Variants in FCRL5 observed in about 807,000 individuals in gnomAD.
The protein encoded by FCRL5 is Fc receptor like 5, also known as Fc receptor-like protein 5.
FCRL5 carries 79 observed loss-of-function variants against 92.1 expected under a neutral mutation model. That is an observed-to-expected ratio of 0.86 (90% CI 0.72 to 1.03). The LOEUF is 1.03. Ranked by LOEUF, FCRL5 falls within the 50% of genes least tolerant of loss-of-function variation. FCRL5 has a pLI of 0.00. For missense variants in FCRL5, 1,160 were observed against 1,181.1 expected (o/e 0.98, Z 0.26); for synonymous variants, 466 against 469.3 (o/e 0.99, Z 0.09).
In FCRL5 at chr1:157,529,743, C is replaced by T. The variant is rs147260014; in HGVS notation, c.1682-1848G>A. ...GAAAACCAAACATTGTATGTTCTCA[C>T]TTATCAGTGGGAGCTAAGCTATGAG... On this transcript the variant is annotated intron_variant, in intron 8 of 16. Coordinates refer to ENST00000361835, the MANE Select transcript of FCRL5 (RefSeq NM_031281.3). 1.2e-3 allele frequency among the ~76,000 whole-genome samples: 184 copies of T among 152,302 alleles called. 1 individual carries two copies. Among genetic ancestry groups the T allele is most frequent in the African/African-American group, 4.2e-3 (176 of 41,546 alleles).
chr1:157,551,555 G>C (rs1410619127), intron 1 of FCRL5, among the ~76,000 whole-genome samples: 2 of 152,186 alleles, frequency 1.3e-5, no homozygotes, highest in East Asian at 1.9e-4. Context: ...AAAGTACATT[G>C]GCCTTGCTGG....
chr1:157,524,381 A>C lies in FCRL5; in HGVS notation c.2137T>G (p.Phe713Val), dbSNP rs746749785. Residue 713 changes from phenylalanine to valine, a missense_variant, in exon 10 of 17, where the codon TTC becomes GTC. Physicochemically the swap from Phe to Val is conservative, Grantham distance 50. Coordinates refer to ENST00000361835, the MANE Select transcript of FCRL5 (RefSeq NM_031281.3). The part of the protein sequence containing the change: ...ISAPSGGGAS[F>V]NLSLTTEHSG... Reference sequence around the variant, plus strand: ...TGTTCTGTAGTCAGAGAGAGGTTGAAGGAGGCCCCTCCTCCAGAGGGGGCT... The same window carrying C: ...TGTTCTGTAGTCAGAGAGAGGTTGACGGAGGCCCCTCCTCCAGAGGGGGCT... The C allele has an allele frequency of 1.6e-5, 26 of 1,614,114 alleles. No homozygotes were observed. The East Asian group carries it at 5.6e-4, about 35-fold the overall frequency.
At chr1:157,532,805 T>G (rs183367340) in intron 8 of FCRL5, 10 of 152,318 alleles carry the variant, frequency 6.6e-5, no homozygotes, top group Admixed American at 2.0e-4. Context: ...GAGTCTAATA[T>G]GCAGCCAGGG....
At chr1:157,546,547 C>T (rs967731340) in intron 3 of FCRL5, among the ~76,000 whole-genome samples, 4 of 151,482 alleles carry the variant, frequency 2.6e-5, no homozygotes, top group African/African-American at 9.7e-5. Context: ...AATTAATCCT[C>T]AGACTTTCTG....
At chr1:157,536,482 C>T (rs1650975095) in intron 7 of FCRL5, among the ~76,000 whole-genome samples, 1 of 152,208 alleles carries the variant, frequency 6.6e-6, no homozygotes, top group African/African-American at 2.4e-5. Context: ...CCTGGCTGCT[C>T]CTCAAACAGG....
At chr1:157,516,446 T>C (rs979731838) in intron 15 of FCRL5, among the ~76,000 whole-genome samples, 1 of 152,244 alleles carries the variant, frequency 6.6e-6, no homozygotes, top group Non-Finnish European at 1.5e-5. Flanking sequence ...CTATCATCTG[T>C]CATGTATTGA....
rs748956535 is a variant in FCRL5 at position 157,547,114 on chromosome 1, C to G, written c.136G>C (p.Gly46Arg). The change falls in exon 3 of 17, where the codon GGA becomes CGA. Residue 46 changes from glycine (G) to arginine (R), a missense_variant. Transcript: ENST00000361835. ...TTCTGTGGTGAGTAGAAGCGAAATC[C>G]CTTGCAAGTGAGGGTCACTCTCTCT... ...QGERVTLTCKGFRFYSPQKTK... is the reference protein window; with the variant it reads ...QGERVTLTCKRFRFYSPQKTK... 5.0e-6 allele frequency: 8 copies of G among 1,614,090 alleles called. No homozygotes were observed. In the South Asian group the frequency reaches 7.7e-5, roughly 16 times the overall value.
intron 3 of FCRL5, 124 bp from the exon 4 acceptor site, chr1:157,545,206 CA>C (rs1651474025): frequency 9.8e-6 from 11 of 1,125,598 alleles, no homozygotes; most frequent in Non-Finnish European, 1.2e-5. Flanking sequence ...AAATAATTAT[CA>C]TTTCTTTTTT....
In FCRL5 at chr1:157,534,780, G is replaced by T; in HGVS notation, c.1515C>A (p.Tyr505Ter). 6.2e-7 allele frequency: 1 copy of T among 1,613,966 alleles called. No individual in the cohort carries two copies. ...GGGGCATGTCCTCATGATAAAACTG[G>T]TATAGGATTTGTGGGGAACCTCTCT... ...EVQRGSPQIL[Y>*]QFYHEDMPLW... The change falls in exon 8 of 17, where the codon TAC (tyrosine) becomes TAA (stop). Residue 505 changes from tyrosine (Y) to a stop codon, truncating the protein, a stop_gained. Coordinates refer to ENST00000361835, the MANE Select transcript of FCRL5 (RefSeq NM_031281.3). LOFTEE classifies it high-confidence loss of function.
chr1:157,534,562 G>A, intron 8 of FCRL5, 52 bp downstream of exon 8: 1 of 1,601,496 alleles, frequency 6.2e-7, no homozygotes, highest in Non-Finnish European at 8.6e-7. Context: ...AAAGGAATGG[G>A]TGAGAGAGAA....
At chr1:157,524,660 C>T in intron 9 of FCRL5, 103 bp from the exon 10 acceptor site, 1 of 1,279,384 alleles carries the variant, frequency 7.8e-7, no homozygotes, top group Non-Finnish European at 1.1e-6. Context: ...GTTTTTAATG[C>T]CCTTGTGACA....
intron 6 of FCRL5, 22 bp downstream of exon 6, chr1:157,542,837 T>C (rs775372785): frequency 1.3e-6 from 2 of 1,598,666 alleles, no homozygotes; most frequent in African/African-American, 1.3e-5. Flanking sequence ...GGGTGGGTGA[T>C]TGGCAGGAAT....
chr1:157,545,179 G>T (rs1169539725), intron 3 of FCRL5, 97 bp from the exon 4 acceptor site: 4 of 1,343,554 alleles, frequency 3.0e-6, no homozygotes, highest in Non-Finnish European at 4.0e-6. Flanking sequence ...AAAATGGGTT[G>T]GGAAAAAGAA....
At position 157,552,388 on chromosome 1, in the gene FCRL5, G is replaced by A; in HGVS notation, c.-26C>T. ...GAAGACCTGGACCACCAAGGGCTGA[G>A]ATCAAAAGAGAAGTTTCCTCAATTC... On this transcript the variant is annotated 5_prime_UTR_variant, in exon 1 of 17. Transcript: ENST00000361835. 1 of 1,613,846 alleles carries A rather than the reference G, an allele frequency of 6.2e-7. No individual in the cohort carries two copies. Among genetic ancestry groups the A allele is most frequent in the Non-Finnish European group, 8.5e-7 (1 of 1,179,830 alleles).
At position 157,534,613 on chromosome 1, in the gene FCRL5, C is replaced by G; in HGVS notation, c.1681+1G>C. The G allele has an allele frequency of 6.2e-7, 1 of 1,614,128 alleles. No individual in the cohort carries two copies. Among genetic ancestry groups the G allele is most frequent in the Non-Finnish European group, 8.5e-7 (1 of 1,180,026 alleles). ...GTGACTGGCAAGAACCCAGCACTTA[C>G]CAGTGACAAAAAGGCTCACCACTTC... On this transcript the variant is annotated splice_donor_variant, in intron 8 of 16. Transcript: ENST00000361835. LOFTEE classifies it high-confidence loss of function.
chr1:157,518,105 G>A (rs777090159), intron 15 of FCRL5, among the ~76,000 whole-genome samples: 29 of 152,198 alleles, frequency 1.9e-4, no homozygotes, highest in Non-Finnish European at 4.1e-4. Flanking sequence ...CTCTGTTACA[G>A]GAGCCAGAAC....
rs1436008594 is a variant in FCRL5, at chr1:157,513,714, G to A, written c.*1961C>T. Reference sequence around the variant, plus strand: ...TGTGCAGTTATCATTCTGGGATGGGGGTACCTTACTCTCCCAATGAGAAAT... The same window carrying A: ...TGTGCAGTTATCATTCTGGGATGGGAGTACCTTACTCTCCCAATGAGAAAT... On this transcript the variant is annotated 3_prime_UTR_variant, in exon 17 of 17. Transcript: ENST00000361835. The A allele has an allele frequency of 6.6e-6, 1 of 151,192 alleles. No individual in the cohort carries two copies. The allele number at this position is 151,192 out of a possible 1,614,324, so 9.4% of individuals were successfully genotyped here.
chr1:157,550,167 T>C (rs1222776082), intron 1 of FCRL5, among the ~76,000 whole-genome samples: 1 of 151,406 alleles, frequency 6.6e-6, no homozygotes. Flanking sequence ...GAACTGGGAG[T>C]GTTGGGGGAA....
intron 7 of FCRL5, among the ~76,000 whole-genome samples, chr1:157,538,303 G>A (rs1286219286): frequency 2.0e-5 from 3 of 152,124 alleles, no homozygotes; most frequent in East Asian, 3.9e-4. Flanking sequence ...TACAGGAAAG[G>A]AAACTGAGGC....
Sources: gnomAD v4.1 joint callset for allele counts (sites outside exome capture counted in the v4.1 genomes callset) on GRCh38, gnomAD v4.1.1 for gene constraint, MANE v1.5 for transcripts, NCBI Gene and HGNC (gene_info 2026-07-23, HGNC 2026-07-21) for gene names.